The following FAM174B variants were observed in gnomAD, a reference collection of about 807,000 sequenced individuals.
The protein encoded by FAM174B is family with sequence similarity 174 member B.
A neutral mutation model predicts 10.9 loss-of-function variants in FAM174B; 12 were observed. That is an observed-to-expected ratio of 1.10 (90% CI 0.71 to 1.79). The LOEUF is 1.79. Among genes scored for constraint, FAM174B ranks in the 40% most tolerant of loss-of-function variants. The pLI, the probability that FAM174B is intolerant of heterozygous loss-of-function variation, is 0.00. For missense variants in FAM174B, 266 were observed against 233.3 expected (o/e 1.14, Z -0.91); for synonymous variants, 132 against 115.8 (o/e 1.14, Z -0.90).
Position 92,626,212 on chromosome 15 carries a change from C to T in FAM174B, c.476+4002G>A, listed in dbSNP as rs140470929. ...CTCCTGGGTTCGCGCCATTCTCCTG[C>T]CTCAGCCTCCCAAGTAGCTGGGACT... On this transcript the variant is annotated intron_variant, in intron 2 of 2. Coordinates refer to ENST00000327355, the MANE Select transcript of FAM174B (RefSeq NM_207446.3). 9.8e-3 allele frequency among the ~76,000 whole-genome samples: 1,405 copies of T among 142,958 alleles called. 22 individuals are homozygous for T. The highest frequency in any genetic ancestry group is 0.034 in the African/African-American group (1,299 of 38,202). 93.8% of individuals were successfully genotyped at this position (142,958 alleles called of 152,430 possible). A position where few individuals can be genotyped will look rare whatever the true frequency, so the allele number is the denominator to read the frequency against.
At chr15:92,636,724 T>C (rs1481984705) in intron 1 of FAM174B, among the ~76,000 whole-genome samples, 1 of 152,056 alleles carries the variant, frequency 6.6e-6, no homozygotes, top group East Asian at 1.9e-4. Flanking sequence ...CAGGGGGTGC[T>C]CCAGCTGAGA....
chr15:92,649,513 A>G (rs969094285), intron 1 of FAM174B, among the ~76,000 whole-genome samples: 1 of 152,256 alleles, frequency 6.6e-6, no homozygotes, highest in African/African-American at 2.4e-5. Context: ...GTATTTTTCA[A>G]TATAATAGGA....
chr15:92,630,791 A>C (rs1270108128), intron 1 of FAM174B, among the ~76,000 whole-genome samples: 1 of 80,506 alleles, frequency 1.2e-5, no homozygotes, highest in Non-Finnish European at 2.9e-5. Flanking sequence ...TATATATTAC[A>C]TATTACATAT....
chr15:92,621,055 C>T (rs1447403103), intron 2 of FAM174B, among the ~76,000 whole-genome samples: 2 of 152,078 alleles, frequency 1.3e-5, no homozygotes, highest in African/African-American at 2.4e-5. Context: ...TAGCTATTTA[C>T]TAGAAGATGT....
At chr15:92,643,915 T>C (rs969346376) in intron 1 of FAM174B, among the ~76,000 whole-genome samples, 1 of 152,128 alleles carries the variant, frequency 6.6e-6, no homozygotes, top group Admixed American at 6.5e-5. Context: ...AAATGGATCA[T>C]GGGAGAGGAA....
At chr15:92,648,489 G>C (rs16947141) in intron 1 of FAM174B, among the ~76,000 whole-genome samples, 5,633 of 152,264 alleles carry the variant, frequency 0.037, 132 homozygotes, top group African/African-American at 0.073. Flanking sequence ...TCGCTGGACA[G>C]GGCCAAACTC....
In FAM174B at chr15:92,617,930, C is replaced by G. The variant is rs2050690257; in HGVS notation, c.*1526G>C. 2.5e-6 allele frequency: 1 copy of G among 398,694 alleles called. No homozygotes were observed. Among genetic ancestry groups the G allele is most frequent in the Admixed American group, 4.5e-5 (1 of 22,314 alleles). The allele number at this position is 398,694 out of a possible 1,614,324, so 24.7% of individuals were successfully genotyped here. A position where few individuals can be genotyped will look rare whatever the true frequency, so the allele number is the denominator to read the frequency against. On this transcript the variant is annotated 3_prime_UTR_variant, in exon 3 of 3. Transcript: ENST00000327355. ...GCTGCGCCACCCTCACCCAGGGCTT[C>G]CCACGGGCTCTGCTCTTTCCTGCAG...
intron 2 of FAM174B, among the ~76,000 whole-genome samples, chr15:92,620,828 A>AAC (rs2050714937): frequency 6.6e-6 from 1 of 151,368 alleles, no homozygotes; most frequent in South Asian, 2.1e-4. Flanking sequence ...AAAAAAAAAA[A>AAC]AAAAAAAAAA....
chr15:92,655,440 CACT>C lies in FAM174B; in HGVS notation c.217_219del (p.Ser73del). The C allele has an allele frequency of 2.0e-6, 3 of 1,470,804 alleles. No individual in the cohort carries two copies. The highest frequency in any genetic ancestry group is 5.2e-5 in the East Asian group (2 of 38,262). The allele number at this position is 1,470,804 out of a possible 1,614,324, so 91.1% of individuals were successfully genotyped here. A position where few individuals can be genotyped will look rare whatever the true frequency, so the allele number is the denominator to read the frequency against. ...GAAATGCGGGTCACCAAGGCGTCGCCACTGCTGTTGGAGCTGGAGCTGCCGCTG... is the reference window on the plus strand; with the variant it reads ...GAAATGCGGGTCACCAAGGCGTCGCCGCTGTTGGAGCTGGAGCTGCCGCTG... On this transcript the variant is annotated inframe_deletion, in exon 1 of 3. Coordinates refer to ENST00000327355, the MANE Select transcript of FAM174B (RefSeq NM_207446.3).
intron 2 of FAM174B, among the ~76,000 whole-genome samples, chr15:92,629,781 C>G (rs1175414503): frequency 2.0e-5 from 3 of 152,078 alleles, no homozygotes; most frequent in African/African-American, 7.2e-5. Flanking sequence ...GTGGGAGGGA[C>G]TCGGTAGGTA....
At chr15:92,654,476 A>G (rs2050987478) in intron 1 of FAM174B, among the ~76,000 whole-genome samples, 1 of 152,184 alleles carries the variant, frequency 6.6e-6, no homozygotes. Context: ...AGCCCTGTCC[A>G]CCAGGATGGA....
intron 1 of FAM174B, among the ~76,000 whole-genome samples, chr15:92,631,316 AATATTATATATAATATATT>A (rs1567045292): frequency 5.8e-3 from 4 of 692 alleles, no homozygotes; most frequent in Non-Finnish European, 0.014. Context: ...TATTATATAT[AATATTATATATAATATATT>A]ATATATTATA....
In FAM174B at chr15:92,618,139, A is replaced by C. The variant is rs968502559; in HGVS notation, c.*1317T>G. The C allele has an allele frequency of 1.2e-5, 2 of 165,452 alleles. No homozygotes were observed. Among genetic ancestry groups the C allele is most frequent in the Admixed American group, 6.4e-5 (1 of 15,656 alleles). 10.2% of individuals were successfully genotyped at this position (165,452 alleles called of 1,614,324 possible). Reference sequence around the variant, plus strand: ...GGCAAATACACAAACCCTGGAGCAAAGCCAGGAAAAAAGGGGGAGATAAAA... The same window carrying C: ...GGCAAATACACAAACCCTGGAGCAACGCCAGGAAAAAAGGGGGAGATAAAA... On this transcript the variant is annotated 3_prime_UTR_variant, in exon 3 of 3. Coordinates refer to ENST00000327355, the MANE Select transcript of FAM174B (RefSeq NM_207446.3).
chr15:92,635,481 G>A (rs987694821), intron 1 of FAM174B, among the ~76,000 whole-genome samples: 5 of 152,096 alleles, frequency 3.3e-5, no homozygotes, highest in African/African-American at 7.2e-5. Flanking sequence ...GGGTCTTCGC[G>A]GATGGTAGCA....
chr15:92,643,344 A>ATATGTGTGTGTGTGTG (rs1555421981), intron 1 of FAM174B, among the ~76,000 whole-genome samples: 3 of 138,090 alleles, frequency 2.2e-5, no homozygotes, highest in Non-Finnish European at 3.2e-5. Context: ...TAGGGAAGGA[A>ATATGTGTGTGTGTGTG]TGTGTGTGTG....
At position 92,655,524 on chromosome 15, in the gene FAM174B, G is replaced by C. The variant is rs980628395; in HGVS notation, c.136C>G (p.Pro46Ala). The C allele has an allele frequency of 3.0e-5, 44 of 1,490,608 alleles. No individual in the cohort carries two copies. The highest frequency in any genetic ancestry group is 3.5e-5 in the Non-Finnish European group (39 of 1,120,600). 92.3% of individuals were successfully genotyped at this position (1,490,608 alleles called of 1,614,324 possible). A position where few individuals can be genotyped will look rare whatever the true frequency, so the allele number is the denominator to read the frequency against. The change falls in exon 1 of 3, where the codon CCG becomes GCG. Residue 46 changes from proline (P) to alanine (A), a missense_variant. Physicochemically the swap from Pro to Ala is conservative, Grantham distance 27 (BLOSUM62 -1). Transcript: ENST00000327355. Reference protein sequence around the residue: ...WPEPERESRPPPGPGPGNTTR... With the variant: ...WPEPERESRPAPGPGPGNTTR... ...GTGTTCCCGGGCCCCGGGCCGGGCG[G>C]TGGCCGCGACTCGCGCTCGGGTTCG...
At chr15:92,651,488 A>T (rs1303401425) in intron 1 of FAM174B, among the ~76,000 whole-genome samples, 2 of 152,388 alleles carry the variant, frequency 1.3e-5, no homozygotes, top group East Asian at 3.8e-4. Context: ...AGACACACAG[A>T]TTTATCTGCA....
chr15:92,630,566 C>T (rs1567044505), intron 1 of FAM174B, among the ~76,000 whole-genome samples: 1 of 151,766 alleles, frequency 6.6e-6, no homozygotes, highest in Non-Finnish European at 1.5e-5. Flanking sequence ...ACCCTGCTGC[C>T]CCACTTATGG....
In FAM174B at chr15:92,655,371, C is replaced by A; in HGVS notation, c.289G>T (p.Val97Leu). The A allele has an allele frequency of 1.3e-6, 2 of 1,590,216 alleles. No individual in the cohort carries two copies. The highest frequency in any genetic ancestry group is 1.7e-5 in the Admixed American group (1 of 58,030). ...AGGAGGGTGGTAAAGGCGAACGCCA[C>A]GATCACGGCTGCCTTGAGGGTGGGT... ...DLPTLKAAVI[V>L]AFAFTTLLIA... Residue 97 changes from valine to leucine, a missense_variant, in exon 1 of 3, where the codon GTG becomes TTG. Physicochemically the swap from Val to Leu is conservative, Grantham distance 32. Coordinates refer to ENST00000327355, the MANE Select transcript of FAM174B (RefSeq NM_207446.3).
Sources: gnomAD v4.1 joint callset for allele counts (sites outside exome capture counted in the v4.1 genomes callset) on GRCh38, gnomAD v4.1.1 for gene constraint, MANE v1.5 for transcripts, NCBI Gene and HGNC (gene_info 2026-07-23, HGNC 2026-07-21) for gene names.